ZFP64: variants seen among roughly 807,000 people sequenced by gnomAD.
ZFP64 encodes the protein zinc finger protein 64.
ZFP64 carries 14 observed loss-of-function variants against 51.6 expected under a neutral mutation model. The ratio of observed to expected loss-of-function variants is 0.27; its 90% CI spans 0.18 to 0.42. The LOEUF is 0.42. Ranked by LOEUF, ZFP64 falls within the 10% of genes least tolerant of loss-of-function variation. ZFP64 has a pLI of 1.00. For missense variants in ZFP64, 754 were observed against 906.8 expected (o/e 0.83, Z 2.16); for synonymous variants, 375 against 361.4 (o/e 1.04, Z -0.43).
chr20:52,159,281 A>T (rs1981577290), intron 5 of ZFP64, among the ~76,000 whole-genome samples: 1 of 152,180 alleles, frequency 6.6e-6, no homozygotes, highest in African/African-American at 2.4e-5. Context: ...TGAGTTACCT[A>T]CTCTGCTAAT....
intron 5 of ZFP64, chr20:52,110,689 T>TGG: frequency 6.5e-7 from 1 of 1,548,476 alleles, no homozygotes; most frequent in African/African-American, 1.4e-5. Flanking sequence ...CTAGACCCCT[T>TGG]GCCCCTTCAG....
intron 5 of ZFP64, among the ~76,000 whole-genome samples, chr20:52,155,644 C>T (rs1376540671): frequency 6.8e-6 from 1 of 146,358 alleles, no homozygotes; most frequent in African/African-American, 2.5e-5. Context: ...ATTCCTTTGT[C>T]TTTTTTTTTT....
At chr20:52,125,984 T>C (rs1258112417) in intron 5 of ZFP64, among the ~76,000 whole-genome samples, 1 of 151,960 alleles carries the variant, frequency 6.6e-6, no homozygotes, top group Non-Finnish European at 1.5e-5. Context: ...TGGGTTCAAG[T>C]GATTCTCCTG....
At chr20:52,098,461 C>G (rs2079015624) in exon 6 of ZFP64, 1 of 1,614,060 alleles carries the variant, frequency 6.2e-7, no homozygotes, top group Non-Finnish European at 8.5e-7. Context: ...GTTGAACGTC[C>G]TCTCTCCAAG....
intron 5 of ZFP64, among the ~76,000 whole-genome samples, chr20:52,105,927 A>G (rs1158376829): frequency 6.6e-6 from 1 of 152,170 alleles, no homozygotes; most frequent in Non-Finnish European, 1.5e-5. Context: ...GCTGAGAAGC[A>G]CGACCTCCAC....
At chr20:52,161,694 G>C (rs916534044) in intron 4 of ZFP64, among the ~76,000 whole-genome samples, 21 of 152,108 alleles carry the variant, frequency 1.4e-4, no homozygotes, top group African/African-American at 4.8e-4. Context: ...TAAATGAAAA[G>C]AAGCAAGTTG....
rs1450482574 is a variant in ZFP64, at chr20:52,152,753, A to T, written c.1439T>A (p.Leu480His). The T allele has an allele frequency of 6.3e-7, 1 of 1,591,556 alleles. No individual in the cohort carries two copies. The highest frequency in any genetic ancestry group is 2.2e-5 in the East Asian group (1 of 44,572). ...TTGGCTGGGCTGGAGGGGCACCTGG[A>T]GGTGTCCCACAGTGAGGGGCGTGGC... is the stretch of plus-strand genomic sequence containing the variant. ...QPATPLTVGH[L>H]QVPLQPSQVP... The change falls in exon 6 of 6, where the codon CTC (leucine) becomes CAC (histidine). Residue 480 changes from leucine to histidine, a missense_variant. By Grantham distance (99) the Leu-to-His change is moderately conservative. Coordinates refer to ENST00000216923, the MANE Select transcript of ZFP64 (RefSeq NM_018197.3).
intron 5 of ZFP64, among the ~76,000 whole-genome samples, chr20:52,122,348 T>C (rs1234670434): frequency 4.6e-5 from 7 of 151,676 alleles, no homozygotes; most frequent in African/African-American, 7.3e-5. Context: ...CTACTAAAAA[T>C]ACAAAAAATT....
intron 2 of ZFP64, among the ~76,000 whole-genome samples, chr20:52,174,819 T>C (rs1983053303): frequency 1.3e-5 from 2 of 152,228 alleles, no homozygotes; most frequent in Non-Finnish European, 2.9e-5. Context: ...AGATGTTTTA[T>C]TACTTGGTGA....
intron 5 of ZFP64, among the ~76,000 whole-genome samples, chr20:52,103,196 G>A (rs1237766047): frequency 2.0e-5 from 3 of 152,146 alleles, no homozygotes; most frequent in Admixed American, 2.0e-4. Flanking sequence ...AACTCCTGGG[G>A]AAACGGATGA....
chr20:52,175,273 C>T (rs2123083275), intron 2 of ZFP64, among the ~76,000 whole-genome samples: 1 of 152,276 alleles, frequency 6.6e-6, no homozygotes, highest in South Asian at 2.1e-4. Flanking sequence ...CAGGTATGCG[C>T]CACCACGCCC....
At chr20:52,146,496 G>A (rs1332772342), downstream of ZFP64, among the ~76,000 whole-genome samples, 8 of 148,242 alleles carry the variant, frequency 5.4e-5, no homozygotes, top group Admixed American at 2.7e-4. Context: ...ACCAAACACC[G>A]CATGTTCTCA....
At position 52,095,680 on chromosome 20, in the gene ZFP64, C is replaced by G. The variant is rs529986091; in HGVS notation, c.976+1693G>C. 5.9e-5 allele frequency among the ~76,000 whole-genome samples: 9 copies of G among 152,308 alleles called. No individual in the cohort carries two copies. In the South Asian group the frequency reaches 1.9e-3, roughly 32 times the overall value. Reference sequence around the variant, plus strand: ...ACCTGACTCAAGAACAAGGCCTTATCTTTTATGTCCTGGATCCCCAGCATG... The same window carrying G: ...ACCTGACTCAAGAACAAGGCCTTATGTTTTATGTCCTGGATCCCCAGCATG... On this transcript the variant is annotated intron_variant, in intron 7 of 8. Transcript: ENST00000361387.
chr20:52,164,863 C>T (rs142658824), intron 3 of ZFP64, 106 bp from the exon 4 acceptor site: 1,190 of 876,868 alleles, frequency 1.4e-3, no homozygotes, highest in African/African-American at 8.3e-3. Flanking sequence ...GTTAACACCA[C>T]GGTAATGGGA....
chr20:52,097,065 T>C, intron 7 of ZFP64: 1 of 687,536 alleles, frequency 1.5e-6, no homozygotes, highest in Non-Finnish European at 2.8e-6. Context: ...ATTATGGCAC[T>C]CCTTTGCTTC....
chr20:52,096,863 T>G (rs1600697054), intron 7 of ZFP64: 3 of 328,832 alleles, frequency 9.1e-6, no homozygotes, highest in Admixed American at 7.6e-5. Context: ...CATTCTAGCC[T>G]GGGTGACAGA....
rs1172885146 is a variant in ZFP64, at chr20:52,085,235, G to A, written c.1260C>T (p.Ser420=). ...AGTCCGAGCTGATTTTGAACTTGGC[G>A]CTACAGAGCCAGCACTGGAAGGGGG... Residue 420 remains serine, a synonymous_variant, in exon 9 of 9, where the codon AGC becomes AGT. Coordinates refer to the ZFP64 transcript ENST00000361387. This position sits in a 1 kb window ranked among gnomAD's most constrained non-coding sequence, Gnocchi z 4.3. 15 of 1,613,924 alleles carry A rather than the reference G, an allele frequency of 9.3e-6. No individual in the cohort carries two copies. Among genetic ancestry groups the A allele is most frequent in the East Asian group, 2.2e-5 (1 of 44,886 alleles).
intron 7 of ZFP64, chr20:52,097,220 C>CT (rs1400748017): frequency 2.3e-6 from 2 of 881,414 alleles, no homozygotes; most frequent in Non-Finnish European, 3.9e-6. Flanking sequence ...TGTCACAGCC[C>CT]TTTTGCTCCT....
chr20:52,113,811 G>A (rs138811543), intron 5 of ZFP64, among the ~76,000 whole-genome samples: 2 of 152,130 alleles, frequency 1.3e-5, no homozygotes, highest in East Asian at 3.9e-4. Context: ...ATAAAGACAG[G>A]CAAGATCCAG....
Sources: gnomAD v4.1 joint callset for allele counts (sites outside exome capture counted in the v4.1 genomes callset) on GRCh38, gnomAD v4.1.1 for gene constraint, Gnocchi (gnomAD v3.1) non-coding constraint, MANE v1.5 for transcripts, NCBI Gene and HGNC (gene_info 2026-07-23, HGNC 2026-07-21) for gene names.